RBM6: variants seen among roughly 807,000 people sequenced by gnomAD.
RBM6 encodes RNA binding motif protein 6, also known as RNA-binding protein 6.
RBM6 carries 23 observed loss-of-function variants against 140.4 expected under a neutral mutation model. The observed-to-expected ratio is 0.16, with a 90% CI of 0.12 to 0.23. The LOEUF is 0.23. Ranked by LOEUF, RBM6 falls within the 10% of genes least tolerant of loss-of-function variation. The pLI, the probability that RBM6 is intolerant of heterozygous loss-of-function variation, is 1.00. For synonymous variants in RBM6, 439 were observed against 475.6 expected, an observed-to-expected ratio of 0.92 and a Z score of 1.00; for missense variants, 1,139 against 1,386.7, an observed-to-expected ratio of 0.82 and a Z score of 2.84.
intron 8 of RBM6, 43 bp from the exon 9 acceptor site, chr3:50,057,685 T>G (rs2089766173): frequency 6.7e-7 from 1 of 1,492,478 alleles, no homozygotes; most frequent in Non-Finnish European, 9.0e-7. Flanking sequence ...TTTTTTTTTT[T>G]GATAAAGCTT....
chr3:49,983,530 G>A (rs1217259332), intron 5 of RBM6, among the ~76,000 whole-genome samples: 1 of 151,960 alleles, frequency 6.6e-6, no homozygotes, highest in Non-Finnish European at 1.5e-5. Context: ...ACATCATTTA[G>A]AAAAAAAATT....
chr3:49,973,863 C>T (rs966893603), intron 4 of RBM6, among the ~76,000 whole-genome samples: 1 of 149,674 alleles, frequency 6.7e-6, no homozygotes, highest in Non-Finnish European at 1.5e-5. Flanking sequence ...TGAGATTACA[C>T]GCATGAGCCA....
At chr3:50,008,014 T>A (rs979905587) in intron 6 of RBM6, among the ~76,000 whole-genome samples, 1 of 152,170 alleles carries the variant, frequency 6.6e-6, no homozygotes, top group Non-Finnish European at 1.5e-5. Flanking sequence ...GAGGATCACT[T>A]GTGCCCAGGA....
chr3:50,058,362 C>T lies in RBM6; in HGVS notation c.1970-40C>T, dbSNP rs750240425. 3.8e-6 allele frequency: 6 copies of T among 1,560,604 alleles called. No homozygotes were observed. The East Asian group carries it at 1.1e-4, about 29-fold the overall frequency. On this transcript the variant is annotated intron_variant, in intron 9 of 20. Coordinates refer to ENST00000266022, the MANE Select transcript of RBM6 (RefSeq NM_005777.3). ...TGGGACTTCAAAAATTTATCTTTCT[C>T]TCCCTTGTGTTGCCCTTCTCCCATT...
intron 5 of RBM6, among the ~76,000 whole-genome samples, chr3:49,996,684 A>C (rs533278481): frequency 6.6e-6 from 1 of 152,346 alleles, no homozygotes; most frequent in Admixed American, 6.5e-5. Context: ...TTAAAATAGA[A>C]GCAACTGTTA....
At chr3:49,979,638 G>T (rs2085214737) in intron 5 of RBM6, among the ~76,000 whole-genome samples, 1 of 151,638 alleles carries the variant, frequency 6.6e-6, no homozygotes, top group African/African-American at 2.4e-5. Flanking sequence ...ACGGGGTTTC[G>T]CCATGTTGGC....
chr3:49,995,169 C>T (rs1472539881), intron 5 of RBM6, among the ~76,000 whole-genome samples: 1 of 152,076 alleles, frequency 6.6e-6, no homozygotes, highest in East Asian at 1.9e-4. Context: ...TTTTGGGAAA[C>T]AGGCAACCAC....
intron 6 of RBM6, among the ~76,000 whole-genome samples, chr3:50,035,659 T>G (rs1034511193): frequency 1.3e-5 from 2 of 151,728 alleles, no homozygotes; most frequent in Non-Finnish European, 2.9e-5. Context: ...TCCAGCCTGG[T>G]CGACAGAGCC....
chr3:49,952,839 A>G (rs1169854857), intron 1 of RBM6, among the ~76,000 whole-genome samples: 1 of 152,010 alleles, frequency 6.6e-6, no homozygotes, highest in Non-Finnish European at 1.5e-5. Context: ...TTTTTTATAT[A>G]TTTTAGATAC....
chr3:50,050,477 A>G (rs1268980378), intron 7 of RBM6, among the ~76,000 whole-genome samples: 1 of 152,088 alleles, frequency 6.6e-6, no homozygotes, highest in Non-Finnish European at 1.5e-5. Context: ...GGTTGTTTCT[A>G]CCCTGACTTT....
chr3:50,036,027 T>C (rs1285651630), intron 6 of RBM6, among the ~76,000 whole-genome samples: 1 of 152,148 alleles, frequency 6.6e-6, no homozygotes, highest in Non-Finnish European at 1.5e-5. Context: ...CCCAAAGTGC[T>C]GGGATTACAG....
At chr3:50,013,206 T>C (rs1432858715) in intron 6 of RBM6, among the ~76,000 whole-genome samples, 2 of 152,008 alleles carry the variant, frequency 1.3e-5, no homozygotes, top group Non-Finnish European at 2.9e-5. Flanking sequence ...GAATTTCCAT[T>C]GGGTTGAGTG....
At chr3:49,984,596 A>ATCGCATCGCATCGCATCG in intron 5 of RBM6, among the ~76,000 whole-genome samples, 1 of 86,356 alleles carries the variant, frequency 1.2e-5, no homozygotes, top group Non-Finnish European at 2.3e-5. Flanking sequence ...ACATCACATC[A>ATCGCATCGCATCGCATCG]CATCACATCA....
intron 7 of RBM6, among the ~76,000 whole-genome samples, chr3:50,049,622 C>T (rs890940973): frequency 5.9e-5 from 9 of 151,698 alleles, no homozygotes; most frequent in African/African-American, 1.9e-4. Flanking sequence ...GTGTTAGTCT[C>T]GGTAGAATAC....
chr3:49,997,770 G>T (rs1332065698), intron 5 of RBM6, among the ~76,000 whole-genome samples: 1 of 152,194 alleles, frequency 6.6e-6, no homozygotes, highest in Admixed American at 6.5e-5. Context: ...TTTATAAAAT[G>T]CAGAGTGATT....
At chr3:50,003,520 T>C (rs939925957) in intron 6 of RBM6, among the ~76,000 whole-genome samples, 2 of 152,290 alleles carry the variant, frequency 1.3e-5, no homozygotes, top group Middle Eastern at 3.4e-3. Flanking sequence ...GAAATGTCTT[T>C]TATTTATCAT....
chr3:50,058,060 G>GGCCA, intron 9 of RBM6, 57 bp downstream of exon 9: 1 of 1,568,966 alleles, frequency 6.4e-7, no homozygotes, highest in East Asian at 2.3e-5. Flanking sequence ...GAGCATAGAT[G>GGCCA]GCCAATGTTA....
chr3:49,945,395 A>G (rs1346968378), intron 1 of RBM6, among the ~76,000 whole-genome samples: 2 of 151,922 alleles, frequency 1.3e-5, no homozygotes, highest in East Asian at 3.9e-4. Flanking sequence ...CCCAGGCTTT[A>G]TGTATCATTT....
In RBM6 at chr3:49,968,526, A is replaced by G. The variant is rs1331649377; in HGVS notation, c.1101A>G (p.Gln367=). The G allele has an allele frequency of 6.2e-7, 1 of 1,614,070 alleles. No homozygotes were observed. Among genetic ancestry groups the G allele is most frequent in the East Asian group, 2.2e-5 (1 of 44,894 alleles). ...ACAGCCAAAGTCCAGTTCAAGACCAAGATAAGTCACAGCTTTCTGGACGTG... is the reference window on the plus strand; with the variant it reads ...ACAGCCAAAGTCCAGTTCAAGACCAGGATAAGTCACAGCTTTCTGGACGTG... The part of the protein sequence containing the change: ...FQNSQSPVQD[Q]DKSQLSGREE... Residue 367 remains glutamine, a synonymous_variant, in exon 3 of 21, where the codon CAA becomes CAG. Transcript: ENST00000266022.
Sources: allele counts gnomAD v4.1 joint callset (sites outside exome capture counted in the v4.1 genomes callset), GRCh38; gene constraint gnomAD v4.1.1; transcripts MANE v1.5; gene names NCBI Gene and HGNC (gene_info 2026-07-23, HGNC 2026-07-21).